The following PDE7B variants were observed in gnomAD, a reference collection of about 807,000 sequenced individuals.
The protein encoded by PDE7B is 3',5'-cyclic-AMP phosphodiesterase 7B.
A neutral mutation model predicts 56.2 loss-of-function variants in PDE7B; 29 were observed. The observed-to-expected ratio is 0.52, with a 90% CI of 0.38 to 0.70. The LOEUF (loss-of-function observed/expected upper bound fraction) is 0.70. Among genes scored for constraint, PDE7B ranks in the 30% least tolerant of loss-of-function variants. The pLI is 0.00. For synonymous variants in PDE7B, 197 were observed against 196.9 expected (o/e 1.00, Z 0.00); for missense variants, 490 against 565.0 (o/e 0.87, Z 1.35).
intron 2 of PDE7B, among the ~76,000 whole-genome samples, chr6:136,024,077 A>G (rs2128208376): frequency 6.6e-6 from 1 of 152,348 alleles, no homozygotes; most frequent in Non-Finnish European, 1.5e-5. Context: ...ACATTTAAAA[A>G]AAAACCTCCT....
At chr6:136,186,558 A>G (rs1196183199) in intron 11 of PDE7B, among the ~76,000 whole-genome samples, 2 of 152,242 alleles carry the variant, frequency 1.3e-5, no homozygotes, top group South Asian at 4.1e-4. Flanking sequence ...GGTGCTACTC[A>G]GATGAGATCT....
chr6:136,149,237 G>T, intron 5 of PDE7B, 87 bp downstream of exon 5: 2 of 865,920 alleles, frequency 2.3e-6, no homozygotes. Flanking sequence ...TTTAAACACT[G>T]CTATTCCTTT....
At chr6:135,934,934 AATATATAATATATATTT>A (rs1397358489) in intron 1 of PDE7B, among the ~76,000 whole-genome samples, 982 of 77,820 alleles carry the variant, frequency 0.013, 39 homozygotes, top group African/African-American at 0.042. Flanking sequence ...TATATATTTA[AATATATAATATATATTT>A]ATATATAATA....
At chr6:136,056,784 G>A (rs578220903) in intron 2 of PDE7B, among the ~76,000 whole-genome samples, 10 of 151,866 alleles carry the variant, frequency 6.6e-5, no homozygotes, top group Non-Finnish European at 1.0e-4. Context: ...CACCTGCCTC[G>A]GCCTCCCAAA....
At chr6:136,178,494 G>A (rs566892392) in intron 9 of PDE7B, among the ~76,000 whole-genome samples, 13 of 152,196 alleles carry the variant, frequency 8.5e-5, no homozygotes, top group African/African-American at 1.9e-4. Flanking sequence ...TAGTTTTTGT[G>A]TTTGAAGTTC....
At chr6:136,000,968 A>T (rs1380372308) in intron 2 of PDE7B, among the ~76,000 whole-genome samples, 1 of 152,168 alleles carries the variant, frequency 6.6e-6, no homozygotes, top group Non-Finnish European at 1.5e-5. Flanking sequence ...GCAGACTGAC[A>T]CCTCACACAG....
intron 2 of PDE7B, among the ~76,000 whole-genome samples, chr6:135,977,447 A>G (rs1764253245): frequency 7.0e-6 from 1 of 143,258 alleles, no homozygotes; most frequent in Non-Finnish European, 1.5e-5. Flanking sequence ...AAACTACTCA[A>G]ACAGTCTGCT....
chr6:136,151,035 AC>A, intron 5 of PDE7B, 124 bp from the exon 6 acceptor site: 1 of 555,072 alleles, frequency 1.8e-6, no homozygotes, highest in South Asian at 2.4e-5. Context: ...GAATAATTTC[AC>A]TTCTAAAGGG....
At chr6:136,084,050 A>G (rs1222767490) in intron 2 of PDE7B, among the ~76,000 whole-genome samples, 1 of 152,174 alleles carries the variant, frequency 6.6e-6, no homozygotes, top group African/African-American at 2.4e-5. Context: ...AACAATTTTG[A>G]CTTCAAAATT....
chr6:136,137,548 C>A (rs953682362), intron 3 of PDE7B, among the ~76,000 whole-genome samples: 3 of 152,058 alleles, frequency 2.0e-5, no homozygotes, highest in African/African-American at 7.2e-5. Flanking sequence ...TTAGTCACTA[C>A]TCGACTTCTG....
rs374978896 is a variant in PDE7B at position 136,148,470 on chromosome 6, A to AGGCAGGCAGGC, written c.319-617_319-616insGGCAGGCAGGC. Among the ~76,000 whole-genome samples the AGGCAGGCAGGC allele has an allele frequency of 2.9e-3, 378 of 130,224 alleles. 2 individuals carry two copies. Among genetic ancestry groups the AGGCAGGCAGGC allele is most frequent in the Admixed American group, 6.1e-3 (70 of 11,558 alleles). The allele number at this position is 130,224 out of a possible 152,430, so 85.4% of individuals were successfully genotyped here. A position where few individuals can be genotyped will look rare whatever the true frequency, so the allele number is the denominator to read the frequency against. ...GTGGGAGGGAGGGAGGGAAGGAAGG[A>AGGCAGGCAGGC]AGGCAGGCAGGCAGGCAGGCAGGCA... On this transcript the variant is annotated intron_variant, in intron 4 of 12. Coordinates refer to ENST00000308191, the MANE Select transcript of PDE7B (RefSeq NM_018945.4).
intron 2 of PDE7B, among the ~76,000 whole-genome samples, chr6:136,016,080 C>G (rs992162359): frequency 3.3e-5 from 5 of 152,228 alleles, no homozygotes; most frequent in African/African-American, 1.2e-4. Context: ...TTATAATTTA[C>G]TCTTACAGGA....
rs188288331 is a variant in PDE7B at position 136,164,653 on chromosome 6, G to A, written c.711+8895G>A. Among the ~76,000 whole-genome samples, 11 of 152,248 alleles carry A rather than the reference G, an allele frequency of 7.2e-5. No individual in the cohort carries two copies. In the East Asian group the frequency reaches 2.1e-3, roughly 29 times the overall value. On this transcript the variant is annotated intron_variant, in intron 8 of 12. Coordinates refer to ENST00000308191, the MANE Select transcript of PDE7B (RefSeq NM_018945.4). ...GAAAAGTATTTAGTACTTAGAGCCTGATGTTAGGAAATTTTTTTAAAATCA... is the reference window on the plus strand; with the variant it reads ...GAAAAGTATTTAGTACTTAGAGCCTAATGTTAGGAAATTTTTTTAAAATCA...
At chr6:135,986,511 T>G (rs955702675) in intron 2 of PDE7B, among the ~76,000 whole-genome samples, 1 of 152,192 alleles carries the variant, frequency 6.6e-6, no homozygotes, top group Non-Finnish European at 1.5e-5. Context: ...GGTTAGAAAG[T>G]TAAAATGTGG....
intron 1 of PDE7B, among the ~76,000 whole-genome samples, chr6:135,916,971 T>C (rs1773964035): frequency 6.6e-6 from 1 of 152,154 alleles, no homozygotes; most frequent in Non-Finnish European, 1.5e-5. Flanking sequence ...AAAAAATACT[T>C]ATAGTTCATC....
At chr6:136,115,300 A>G (rs1246925662) in intron 3 of PDE7B, among the ~76,000 whole-genome samples, 3 of 152,154 alleles carry the variant, frequency 2.0e-5, no homozygotes, top group African/African-American at 7.2e-5. Context: ...TTGGAAATTA[A>G]GGAAGTCTTC....
chr6:135,871,798 T>C (rs965640007), intron 1 of PDE7B, among the ~76,000 whole-genome samples: 7 of 148,350 alleles, frequency 4.7e-5, no homozygotes, highest in Non-Finnish European at 7.4e-5. Context: ...CACACACACA[T>C]ATAATATACA....
rs59388049 is a variant in PDE7B at position 135,997,413 on chromosome 6, C to CA, written c.82+49927dup. On this transcript the variant is annotated intron_variant, in intron 2 of 12. Coordinates refer to ENST00000308191, the MANE Select transcript of PDE7B (RefSeq NM_018945.4). The stretch of plus-strand genomic sequence containing the variant: ...TAGCTGACAGAATGAGACCCTGTCT[C>CA]AAAAAAAAAAAAAAAAAAAAAAAAA... Among the ~76,000 whole-genome samples, 50 of 10,708 alleles carry CA rather than the reference C, an allele frequency of 4.7e-3. 9 individuals are homozygous for CA. The highest frequency in any genetic ancestry group is 0.014 in the East Asian group (3 of 218). The allele number at this position is 10,708 out of a possible 152,430, so 7.0% of individuals were successfully genotyped here.
intron 1 of PDE7B, among the ~76,000 whole-genome samples, chr6:135,852,299 G>A (rs1774956670): frequency 6.6e-6 from 1 of 151,686 alleles, no homozygotes; most frequent in African/African-American, 2.4e-5. Flanking sequence ...CCCACACTGA[G>A]GTGGTCTTTA....
Sources: gnomAD v4.1 joint callset for allele counts (sites outside exome capture counted in the v4.1 genomes callset) on GRCh38, gnomAD v4.1.1 for gene constraint, MANE v1.5 for transcripts, NCBI Gene and HGNC (gene_info 2026-07-23, HGNC 2026-07-21) for gene names.